Variants in ADGRF1 observed in about 807,000 individuals in gnomAD.
ADGRF1 encodes the protein G protein-coupled receptor 110.
In ADGRF1, 85 loss-of-function variants were observed where a neutral mutation model predicts 87.2. The observed-to-expected ratio is 0.97, with a 90% confidence interval of 0.82 to 1.17. The LOEUF (loss-of-function observed/expected upper bound fraction) is 1.17. ADGRF1 is among the 50% of genes most tolerant of loss of function. The probability of loss-of-function intolerance (pLI) is 0.00; values close to 1 mark genes in which losing one functional copy is unlikely to be tolerated. For missense variants in ADGRF1, 1,169 were observed against 1,077.2 expected, an observed-to-expected ratio of 1.09 and a Z score of -1.19; for synonymous variants, 430 against 408.8, an observed-to-expected ratio of 1.05 and a Z score of -0.63.
At chr6:47,001,857 T>C in intron 13 of ADGRF1, 1 of 246,452 alleles carries the variant, frequency 4.1e-6, no homozygotes, top group South Asian at 5.6e-5. Context: ...TTTTCATGTC[T>C]ATGCTTACAT....
intron 12 of ADGRF1, 29 bp downstream of exon 12, chr6:47,007,224 G>A (rs1333756856): frequency 6.9e-7 from 1 of 1,458,944 alleles, no homozygotes; most frequent in Admixed American, 1.8e-5. Context: ...TCTAGGCTAG[G>A]GGTTAATGAG....
chr6:47,024,181 C>T lies in ADGRF1; in HGVS notation c.314G>A (p.Cys105Tyr). ...NSLNGVLQCT[C>Y]EDSYTWFPPS... ...AGGAAACCAGGTGTAGCTGTCTTCA[C>T]AGGTACACTGCAGGACTCCATTCAG... Residue 105 changes from cysteine (C) to tyrosine (Y), a missense_variant, in exon 5 of 15, where the codon TGT becomes TAT. By Grantham distance (194) the Cys-to-Tyr change is radical. Coordinates refer to ENST00000371253, the MANE Select transcript of ADGRF1 (RefSeq NM_153840.4). The T allele has an allele frequency of 6.2e-7, 1 of 1,614,110 alleles. No homozygotes were observed. Among genetic ancestry groups the T allele is most frequent in the Non-Finnish European group, 8.5e-7 (1 of 1,179,956 alleles).
At position 46,999,960 on chromosome 6, in the gene ADGRF1, C is replaced by T; in HGVS notation, c.*262G>A. 1 of 374,632 alleles carries T rather than the reference C, an allele frequency of 2.7e-6. No individual in the cohort carries two copies. 23.2% of individuals were successfully genotyped at this position (374,632 alleles called of 1,614,324 possible). A position where few individuals can be genotyped will look rare whatever the true frequency, so the allele number is the denominator to read the frequency against. On this transcript the variant is annotated 3_prime_UTR_variant, in exon 15 of 15. Coordinates refer to ENST00000371253, the MANE Select transcript of ADGRF1 (RefSeq NM_153840.4). Reference sequence around the variant, plus strand: ...ACCATATTTTATGGTCAGGGTACAACTGACACGATTTCCAACAAAACCTAC... The same window carrying T: ...ACCATATTTTATGGTCAGGGTACAATTGACACGATTTCCAACAAAACCTAC...
At chr6:47,030,576 ATGTGTGTGTGTGTGTGTGTG>A (rs3030596) in intron 1 of ADGRF1, among the ~76,000 whole-genome samples, 5 of 138,562 alleles carry the variant, frequency 3.6e-5, no homozygotes, top group East Asian at 2.1e-4. Flanking sequence ...TAACATGAAT[ATGTGTGTGTGTGTGTGTGTG>A]TGTGTGTGTG....
rs764023177 is a variant in ADGRF1 at position 47,000,292 on chromosome 6, T to G, written c.2663A>C (p.His888Pro). The G allele has an allele frequency of 1.9e-6, 3 of 1,591,026 alleles. No individual in the cohort carries two copies. The highest frequency in any genetic ancestry group is 2.6e-6 in the Non-Finnish European group (3 of 1,163,834). Reference protein sequence around the residue: ...KPFNPLQNKGHYAFSHTGDSS... With the variant: ...KPFNPLQNKGPYAFSHTGDSS... The stretch of plus-strand genomic sequence containing the variant: ...ATCTCCAGTATGAGAAAATGCATAA[T>G]GGCCTGAAGGGGAAAAAAAAAGGAA... The change falls in exon 15 of 15, where the codon CAT (histidine) becomes CCT (proline). Residue 888 changes from histidine (H) to proline (P), a missense_variant. By Grantham distance (77) the His-to-Pro change is moderately conservative. Transcript: ENST00000371253.
In ADGRF1 at chr6:47,000,192, A is replaced by C. The variant is rs562553559; in HGVS notation, c.*30T>G. On this transcript the variant is annotated 3_prime_UTR_variant, in exon 15 of 15. Coordinates refer to ENST00000371253, the MANE Select transcript of ADGRF1 (RefSeq NM_153840.4). ...TCTCTAAATGTCAAGTTGTTCTGGAAATTTTTTCTTGATTTTATGATTCCT... is the reference window on the plus strand; with the variant it reads ...TCTCTAAATGTCAAGTTGTTCTGGACATTTTTTCTTGATTTTATGATTCCT... 1.2e-5 allele frequency: 18 copies of C among 1,549,558 alleles called. No individual in the cohort carries two copies. In the East Asian group the frequency reaches 3.8e-4, roughly 33 times the overall value.
intron 1 of ADGRF1, among the ~76,000 whole-genome samples, chr6:47,029,657 A>G (rs888533529): frequency 6.6e-6 from 1 of 152,260 alleles, no homozygotes; most frequent in Non-Finnish European, 1.5e-5. Flanking sequence ...TGGTCACAAG[A>G]TTAATCACTT....
rs1779321269 is a variant in ADGRF1 at position 47,000,217 on chromosome 6, T to C, written c.*5A>G. The C allele has an allele frequency of 6.2e-7, 1 of 1,605,986 alleles. No individual in the cohort carries two copies. Among genetic ancestry groups the C allele is most frequent in the Non-Finnish European group, 8.5e-7 (1 of 1,174,800 alleles). On this transcript the variant is annotated 3_prime_UTR_variant, in exon 15 of 15. Coordinates refer to ENST00000371253, the MANE Select transcript of ADGRF1 (RefSeq NM_153840.4). ...AATTTTTTCTTGATTTTATGATTCC[T>C]TGCCTTATTCATTTGAGACAAACTG... is the stretch of plus-strand genomic sequence containing the variant.
intron 13 of ADGRF1, among the ~76,000 whole-genome samples, chr6:47,002,885 T>C (rs1400759156): frequency 6.6e-6 from 1 of 152,162 alleles, no homozygotes; most frequent in Admixed American, 6.5e-5. Flanking sequence ...TGCTGGCTCT[T>C]CTTTCATTCC....
Position 47,009,850 on chromosome 6 carries a change from G to A in ADGRF1, c.1585C>T (p.Leu529=), listed in dbSNP as rs775805794. 2.5e-6 allele frequency: 4 copies of A among 1,613,838 alleles called. No homozygotes were observed. Among genetic ancestry groups the A allele is most frequent in the Non-Finnish European group, 3.4e-6 (4 of 1,179,938 alleles). ...CAAAACACACAATGAGGCTGGCTCA[G>A]GTTTGACTCTATCTTGGAAAAAAAT... ...FLFFSKIESN[L]SQPHCVFWDF... The change falls in exon 11 of 15, where the codon CTG becomes TTG. Residue 529 remains leucine (L), a synonymous_variant. Transcript: ENST00000371253.
At chr6:47,003,465 A>C (rs1224494595) in intron 13 of ADGRF1, among the ~76,000 whole-genome samples, 1 of 152,184 alleles carries the variant, frequency 6.6e-6, no homozygotes, top group Admixed American at 6.5e-5. Flanking sequence ...GAGAGTCTAT[A>C]TCCTTTAAAA....
At chr6:47,011,902 A>G (rs571739175) in intron 10 of ADGRF1, 105 bp downstream of exon 10, 2 of 1,046,058 alleles carry the variant, frequency 1.9e-6, no homozygotes, top group Non-Finnish European at 2.8e-6. Flanking sequence ...AGACGCATAC[A>G]TGGCTTTCTG....
intron 13 of ADGRF1, among the ~76,000 whole-genome samples, chr6:47,005,456 C>G (rs974398820): frequency 3.3e-5 from 5 of 152,168 alleles, no homozygotes; most frequent in African/African-American, 1.2e-4. Flanking sequence ...AAATGGTTTA[C>G]AGAAGGTTCA....
chr6:47,010,257 A>G lies in ADGRF1; in HGVS notation c.1178T>C (p.Leu393Ser), dbSNP rs760650601. 1.9e-6 allele frequency: 3 copies of G among 1,613,910 alleles called. No individual in the cohort carries two copies. Among genetic ancestry groups the G allele is most frequent in the Non-Finnish European group, 2.5e-6 (3 of 1,179,946 alleles). The change falls in exon 11 of 15, where the codon TTA becomes TCA. Residue 393 changes from leucine (L) to serine (S), a missense_variant. Coordinates refer to ENST00000371253, the MANE Select transcript of ADGRF1 (RefSeq NM_153840.4). ...NSASVTNWTVLLREEKYASSR... is the reference protein window; with the variant it reads ...NSASVTNWTVSLREEKYASSR... ...GCTGGCATACTTTTCTTCCCGCAGT[A>G]AGACTGTCCAGTTGGTTACTGAGGC... is the stretch of plus-strand genomic sequence containing the variant.
intron 12 of ADGRF1, 67 bp from the exon 13 acceptor site, chr6:47,005,943 A>C: frequency 1.0e-6 from 1 of 1,004,426 alleles, no homozygotes; most frequent in South Asian, 1.5e-5. Flanking sequence ...ATCAAGAACA[A>C]CTGCAGGTTG....
chr6:47,030,007 T>C (rs1470734155), intron 1 of ADGRF1, among the ~76,000 whole-genome samples: 1 of 152,218 alleles, frequency 6.6e-6, no homozygotes, highest in Non-Finnish European at 1.5e-5. Flanking sequence ...ATTCCCAAAC[T>C]CAAGAGTCCT....
At chr6:47,031,898 A>G (rs1464804166) in intron 1 of ADGRF1, among the ~76,000 whole-genome samples, 1 of 151,844 alleles carries the variant, frequency 6.6e-6, no homozygotes, top group Non-Finnish European at 1.5e-5. Flanking sequence ...TTTTGTAGAG[A>G]CAAGGTTTCA....
At chr6:47,020,390 G>A (rs532231584) in intron 7 of ADGRF1, 251 of 832,668 alleles carry the variant, frequency 3.0e-4, no homozygotes, top group African/African-American at 2.8e-3. Context: ...CAGCTACTTG[G>A]GAGGCTGAGG....
chr6:47,027,618 C>A (rs1314583118), intron 3 of ADGRF1, 86 bp downstream of exon 3: 1 of 827,564 alleles, frequency 1.2e-6, no homozygotes, highest in African/African-American at 1.7e-5. Flanking sequence ...TAGGATCATA[C>A]AACCAGTCAG....
Sources: gnomAD v4.1 joint callset for allele counts (sites outside exome capture counted in the v4.1 genomes callset) on GRCh38, gnomAD v4.1.1 for gene constraint, MANE v1.5 for transcripts, NCBI Gene and HGNC (gene_info 2026-07-23, HGNC 2026-07-21) for gene names.